The following DAB2IP variants were observed in gnomAD, a reference collection of about 807,000 sequenced individuals.
DAB2IP encodes disabled homolog 2-interacting protein.
A neutral mutation model predicts 107.2 loss-of-function variants in DAB2IP; 28 were observed. That is an observed-to-expected ratio of 0.26 (90% CI 0.19 to 0.36). DAB2IP has a LOEUF of 0.36. DAB2IP is among the 10% of genes least tolerant of loss of function. The pLI is 1.00. For missense variants in DAB2IP, 1,400 were observed against 1,644.7 expected, an observed-to-expected ratio of 0.85 and a Z score of 2.57; for synonymous variants, 755 against 706.4, an observed-to-expected ratio of 1.07 and a Z score of -1.09.
chr9:121,567,287 T>G lies in DAB2IP; in HGVS notation c.40+59T>G, dbSNP rs1382762593. On this transcript the variant is annotated intron_variant, in intron 1 of 16. Transcript: ENST00000259371. ...GTTTCAGCCTCTCTGCTCAACAGAC[T>G]TTTCTCTGCTATAGGAATCTGAGTT... 3.1e-6 allele frequency: 5 copies of G among 1,610,602 alleles called. No individual in the cohort carries two copies. The East Asian group carries it at 1.1e-4, about 36-fold the overall frequency.
intron 1 of DAB2IP, among the ~76,000 whole-genome samples, chr9:121,573,225 C>T (rs906330479): frequency 3.3e-5 from 5 of 152,008 alleles, no homozygotes; most frequent in African/African-American, 4.8e-5. Context: ...TACAGGCATG[C>T]GTCACCAAGC....
intron 1 of DAB2IP, among the ~76,000 whole-genome samples, chr9:121,592,785 T>C (rs2118932010): frequency 6.6e-6 from 1 of 152,212 alleles, no homozygotes; most frequent in South Asian, 2.1e-4. Context: ...GACACATCCC[T>C]TGGGGAAGGT....
At chr9:121,567,202 C>T (rs772343538) in exon 1 of DAB2IP, 2 of 1,614,068 alleles carry the variant, frequency 1.2e-6, no homozygotes, top group Admixed American at 1.7e-5. Flanking sequence ...GAGCCCGACT[C>T]CCTTCTGGAC....
At chr9:121,694,812 A>T (rs1276483502) in intron 2 of DAB2IP, among the ~76,000 whole-genome samples, 1 of 152,146 alleles carries the variant, frequency 6.6e-6, no homozygotes, top group East Asian at 1.9e-4. Context: ...ATCCACGCCC[A>T]GCCGTCAGGG....
chr9:121,604,735 C>T (rs530104409), intron 1 of DAB2IP, among the ~76,000 whole-genome samples: 4 of 152,288 alleles, frequency 2.6e-5, no homozygotes, highest in African/African-American at 9.6e-5. Flanking sequence ...CTTTGCCTGT[C>T]GTTGTCCGCT....
At position 121,772,762 on chromosome 9, in the gene DAB2IP, G is replaced by A. The variant is rs1319153075; in HGVS notation, c.2234G>A (p.Ser745Asn). 3 of 1,613,732 alleles carry A rather than the reference G, an allele frequency of 1.9e-6. No individual in the cohort carries two copies. Among genetic ancestry groups the A allele is most frequent in the African/African-American group, 2.7e-5 (2 of 74,944 alleles). ...CTTCAGATGGCCAACGGTGGCAAGA[G>A]CCTCTCCATGGTGGACCTCCAGGAC... Residue 745 changes from serine to asparagine, a missense_variant, in exon 12 of 16, where the codon AGC (serine) becomes AAC (asparagine). By Grantham distance (46) the Ser-to-Asn change is conservative. Coordinates refer to ENST00000408936, the Ensembl canonical transcript of DAB2IP. The surrounding 1 kb of genome is among the most constrained non-coding windows in gnomAD (Gnocchi z 4.7).
chr9:121,781,203 G>C (rs781448484), intron 14 of DAB2IP, among the ~76,000 whole-genome samples: 1 of 152,206 alleles, frequency 6.6e-6, no homozygotes, highest in Non-Finnish European at 1.5e-5. Flanking sequence ...CATCGGGAAA[G>C]GGGCAGCCCG....
At chr9:121,578,778 T>TCACC (rs1441586145) in intron 1 of DAB2IP, among the ~76,000 whole-genome samples, 1 of 113,368 alleles carries the variant, frequency 8.8e-6, no homozygotes, top group African/African-American at 3.4e-5. Context: ...TCTTGCTCTG[T>TCACC]CACCCAGGCT....
At chr9:121,632,124 C>T (rs981073062) in intron 1 of DAB2IP, among the ~76,000 whole-genome samples, 1 of 152,288 alleles carries the variant, frequency 6.6e-6, no homozygotes, top group East Asian at 1.9e-4. Context: ...CTGGGACTGA[C>T]CGCCTGGGTT....
At chr9:121,734,572 T>G (rs1226960491) in intron 3 of DAB2IP, among the ~76,000 whole-genome samples, 1 of 152,206 alleles carries the variant, frequency 6.6e-6, no homozygotes, top group Non-Finnish European at 1.5e-5. Context: ...TCGTGACTCC[T>G]TACTATGAGA....
chr9:121,583,412 G>A lies in DAB2IP; in HGVS notation c.40+16184G>A, dbSNP rs530609469. On this transcript the variant is annotated intron_variant, in intron 1 of 16. Transcript: ENST00000259371. ...TTTAAAAAACAAAAAAGAAAAGGGA[G>A]AGGCCAAGAAAGAGAAAACAAATGG... 4.0e-3 allele frequency among the ~76,000 whole-genome samples: 613 copies of A among 152,192 alleles called. 8 individuals are homozygous for A. Among genetic ancestry groups the A allele is most frequent in the Non-Finnish European group, 5.9e-3 (402 of 67,994 alleles).
intron 3 of DAB2IP, among the ~76,000 whole-genome samples, chr9:121,720,061 T>C (rs953651268): frequency 6.6e-6 from 1 of 152,200 alleles, no homozygotes; most frequent in Non-Finnish European, 1.5e-5. Context: ...CTAGGCCCTA[T>C]TGGAAAATGG....
At chr9:121,700,747 C>T (rs1192995376) in intron 3 of DAB2IP, among the ~76,000 whole-genome samples, 2 of 152,166 alleles carry the variant, frequency 1.3e-5, no homozygotes, top group African/African-American at 2.4e-5. Flanking sequence ...TAATTTCCAT[C>T]GTCCCAGAGC....
At chr9:121,668,759 AAG>A (rs1321452635) in intron 1 of DAB2IP, among the ~76,000 whole-genome samples, 1 of 152,144 alleles carries the variant, frequency 6.6e-6, no homozygotes, top group Non-Finnish European at 1.5e-5. Context: ...CCCTTCTCCA[AAG>A]AGAACGTCTG....
intron 2 of DAB2IP, among the ~76,000 whole-genome samples, chr9:121,697,627 C>G (rs1829493002): frequency 6.6e-6 from 1 of 152,190 alleles, no homozygotes; most frequent in African/African-American, 2.4e-5. Flanking sequence ...GCCCCTAATA[C>G]CTAAGAGATA....
At chr9:121,676,610 C>T (rs907745999) in intron 1 of DAB2IP, among the ~76,000 whole-genome samples, 3 of 141,606 alleles carry the variant, frequency 2.1e-5, no homozygotes, top group Non-Finnish European at 4.7e-5. Context: ...CCAGCTTAGG[C>T]GTAGGTGTTA....
chr9:121,763,671 G>A (rs756282308), intron 7 of DAB2IP, 22 bp downstream of exon 7: 4 of 1,612,412 alleles, frequency 2.5e-6, no homozygotes, highest in Non-Finnish European at 3.4e-6. Context: ...GCCAGCAGCA[G>A]GGCAGAGGGT....
intron 1 of DAB2IP, among the ~76,000 whole-genome samples, chr9:121,576,377 A>G (rs989685727): frequency 6.6e-6 from 1 of 151,596 alleles, no homozygotes; most frequent in African/African-American, 2.4e-5. Flanking sequence ...TTACCTTTGC[A>G]CTTGCTCTTA....
chr9:121,642,803 T>C (rs1394969205), intron 1 of DAB2IP, among the ~76,000 whole-genome samples: 2 of 152,002 alleles, frequency 1.3e-5, no homozygotes, highest in Non-Finnish European at 2.9e-5. Context: ...ACAGATTAGA[T>C]AGTTTCAGGA....
Sources: allele counts gnomAD v4.1 joint callset (sites outside exome capture counted in the v4.1 genomes callset), GRCh38; gene constraint gnomAD v4.1.1; non-coding constraint Gnocchi (gnomAD v3.1); transcripts MANE v1.5; gene names NCBI Gene and HGNC (gene_info 2026-07-23, HGNC 2026-07-21).